Variants in DCLK1 observed in about 807,000 individuals in gnomAD.
The protein encoded by DCLK1 is serine/threonine-protein kinase DCLK1.
In DCLK1, 16 loss-of-function variants were observed where a neutral mutation model predicts 86.2. That is an observed-to-expected ratio of 0.19 (90% CI 0.13 to 0.28). The LOEUF (loss-of-function observed/expected upper bound fraction) is 0.28, where lower values mean the gene tolerates loss of function less well. Among genes scored for constraint, DCLK1 ranks in the 10% least tolerant of loss-of-function variants. The probability of loss-of-function intolerance (pLI) is 1.00; values close to 1 mark genes in which losing one functional copy is unlikely to be tolerated. For missense variants in DCLK1, 590 were observed against 940.2 expected (o/e 0.63, Z 4.87); for synonymous variants, 369 against 370.5 (o/e 1.00, Z 0.05).
intron 3 of DCLK1, among the ~76,000 whole-genome samples, chr13:35,970,343 T>C (rs1184260983): frequency 4.6e-5 from 7 of 152,354 alleles, no homozygotes; most frequent in African/African-American, 1.7e-4. Context: ...ATTTTTTGAA[T>C]GGTAGGATTT....
intron 15 of DCLK1, among the ~76,000 whole-genome samples, chr13:35,797,927 A>AAAT (rs1460243185): frequency 6.6e-6 from 1 of 152,198 alleles, no homozygotes; most frequent in Non-Finnish European, 1.5e-5. Context: ...TATGTGCCAA[A>AAAT]AATGTGCTAC....
intron 4 of DCLK1, among the ~76,000 whole-genome samples, chr13:35,881,038 G>C (rs1292765058): frequency 6.6e-6 from 1 of 152,104 alleles, no homozygotes; most frequent in Non-Finnish European, 1.5e-5. Flanking sequence ...ATATACAGAT[G>C]AACAATGGCC....
intron 4 of DCLK1, among the ~76,000 whole-genome samples, chr13:35,876,843 T>C (rs1872620069): frequency 6.6e-6 from 1 of 152,134 alleles, no homozygotes; most frequent in East Asian, 1.9e-4. Flanking sequence ...TGTATTTCCT[T>C]TGGTGGTGGA....
At chr13:35,812,034 G>A (rs1447231859) in intron 11 of DCLK1, among the ~76,000 whole-genome samples, 2 of 152,104 alleles carry the variant, frequency 1.3e-5, no homozygotes, top group East Asian at 3.9e-4. Flanking sequence ...TGCAGAGTCA[G>A]CATCCTGTCC....
At chr13:35,988,306 G>A (rs1006685460) in intron 3 of DCLK1, among the ~76,000 whole-genome samples, 1 of 152,208 alleles carries the variant, frequency 6.6e-6, no homozygotes, top group African/African-American at 2.4e-5. Flanking sequence ...GCGACACCGC[G>A]GCCTGATGCA....
At chr13:36,072,346 C>T (rs143462452) in intron 3 of DCLK1, among the ~76,000 whole-genome samples, 40 of 152,290 alleles carry the variant, frequency 2.6e-4, no homozygotes, top group Non-Finnish European at 5.4e-4. Flanking sequence ...GTTCTTTATA[C>T]GGGTGCCCTT....
intron 10 of DCLK1, among the ~76,000 whole-genome samples, chr13:35,824,813 T>C (rs2087482402): frequency 6.6e-6 from 1 of 152,204 alleles, no homozygotes; most frequent in African/African-American, 2.4e-5. Flanking sequence ...TAATTTCCTG[T>C]CTTGCCACTA....
chr13:36,050,610 C>A (rs929697636), intron 3 of DCLK1, among the ~76,000 whole-genome samples: 4 of 152,080 alleles, frequency 2.6e-5, no homozygotes, highest in African/African-American at 9.7e-5. Context: ...GAGGATTAGG[C>A]CCCATTATTT....
At chr13:35,899,570 C>A (rs1345653238) in intron 4 of DCLK1, among the ~76,000 whole-genome samples, 1 of 152,096 alleles carries the variant, frequency 6.6e-6, no homozygotes, top group Non-Finnish European at 1.5e-5. Flanking sequence ...GGACTGCTTA[C>A]CCTATCCATA....
chr13:36,108,593 G>A (rs548866107), intron 3 of DCLK1, among the ~76,000 whole-genome samples: 4 of 152,248 alleles, frequency 2.6e-5, no homozygotes, highest in East Asian at 3.9e-4. Context: ...AAATCCCAGC[G>A]TCAACAGTTT....
chr13:35,953,321 A>C (rs1467368723), intron 3 of DCLK1, among the ~76,000 whole-genome samples: 1 of 152,162 alleles, frequency 6.6e-6, no homozygotes, highest in Non-Finnish European at 1.5e-5. Flanking sequence ...CTGTAGGAAA[A>C]TGAGTCTATC....
intron 4 of DCLK1, among the ~76,000 whole-genome samples, chr13:35,938,519 C>T (rs1876899938): frequency 6.6e-6 from 1 of 151,926 alleles, no homozygotes; most frequent in Admixed American, 6.6e-5. Context: ...GTCCCAGCTA[C>T]TCGGGAGGCT....
chr13:36,102,934 G>A (rs913390343), intron 3 of DCLK1, among the ~76,000 whole-genome samples: 3 of 152,160 alleles, frequency 2.0e-5, no homozygotes, highest in Non-Finnish European at 4.4e-5. Context: ...GGCTTCAGGG[G>A]ATCTGACCCT....
intron 6 of DCLK1, chr13:35,850,662 T>C (rs1279008392): frequency 7.4e-6 from 11 of 1,478,448 alleles, no homozygotes; most frequent in Non-Finnish European, 9.0e-6. Flanking sequence ...GACTTTTGCT[T>C]CAGAAATGTG....
intron 4 of DCLK1, among the ~76,000 whole-genome samples, chr13:35,917,807 T>A (rs1188267383): frequency 7.2e-6 from 1 of 138,184 alleles, no homozygotes; most frequent in Admixed American, 7.3e-5. Flanking sequence ...GCATTTCCTG[T>A]GGCGGGGGGC....
intron 3 of DCLK1, among the ~76,000 whole-genome samples, chr13:36,007,876 T>G (rs11841465): frequency 0.36 from 54,431 of 151,886 alleles, 10,638 homozygotes; most frequent in Middle Eastern, 0.46. Context: ...TTATATTTAG[T>G]ATATCTTGGA....
At chr13:36,020,060 C>G (rs1881707726) in intron 3 of DCLK1, among the ~76,000 whole-genome samples, 1 of 152,112 alleles carries the variant, frequency 6.6e-6, no homozygotes, top group Admixed American at 6.5e-5. Flanking sequence ...TCATCTTTCT[C>G]TGTTGCTCCC....
intron 3 of DCLK1, among the ~76,000 whole-genome samples, chr13:35,980,261 G>T (rs1171729398): frequency 6.6e-6 from 1 of 152,136 alleles, no homozygotes; most frequent in Non-Finnish European, 1.5e-5. Context: ...TTTGAGACCA[G>T]CCTGGCCAAC....
intron 8 of DCLK1, among the ~76,000 whole-genome samples, chr13:35,834,075 C>T (rs1869171636): frequency 6.6e-6 from 1 of 152,142 alleles, no homozygotes; most frequent in South Asian, 2.1e-4. Flanking sequence ...CAGCACATGC[C>T]ACCATGTCAG....
Sources: gnomAD v4.1 joint callset for allele counts (sites outside exome capture counted in the v4.1 genomes callset) on GRCh38, gnomAD v4.1.1 for gene constraint, MANE v1.5 for transcripts, NCBI Gene and HGNC (gene_info 2026-07-23, HGNC 2026-07-21) for gene names.